The following NVL variants were observed in gnomAD, a reference collection of about 807,000 sequenced individuals.
The protein encoded by NVL is nuclear valosin-containing protein-like.
A neutral mutation model predicts 110.2 loss-of-function variants in NVL; 84 were observed. The observed-to-expected ratio is 0.76, with a 90% CI of 0.64 to 0.91. The LOEUF (loss-of-function observed/expected upper bound fraction) is 0.91, where lower values mean the gene tolerates loss of function less well. NVL is among the 40% of genes least tolerant of loss of function. NVL has a pLI of 0.00. For missense variants in NVL, 882 were observed against 1,035.9 expected (o/e 0.85, Z 2.04); for synonymous variants, 354 against 361.1 (o/e 0.98, Z 0.22).
intron 18 of NVL, among the ~76,000 whole-genome samples, chr1:224,260,855 G>C (rs1032667968): frequency 5.3e-5 from 8 of 150,602 alleles, no homozygotes; most frequent in African/African-American, 2.0e-4. Flanking sequence ...GTACACACCA[G>C]TGCATCTGGC....
chr1:224,299,399 C>T (rs769843138), intron 10 of NVL, among the ~76,000 whole-genome samples: 2 of 152,166 alleles, frequency 1.3e-5, no homozygotes, highest in African/African-American at 2.4e-5. Flanking sequence ...TTGGATTTCA[C>T]CTTTTTGTTT....
At chr1:224,271,501 G>A (rs1665097154) in intron 17 of NVL, among the ~76,000 whole-genome samples, 1 of 151,334 alleles carries the variant, frequency 6.6e-6, no homozygotes, top group East Asian at 2.0e-4. Context: ...TCAAACAACA[G>A]CAACAACAAC....
chr1:224,308,001 G>A lies in NVL; in HGVS notation c.605C>T (p.Thr202Ile). The A allele has an allele frequency of 6.5e-7, 1 of 1,527,342 alleles. No homozygotes were observed. The highest frequency in any genetic ancestry group is 8.8e-7 in the Non-Finnish European group (1 of 1,141,238). The allele number at this position is 1,527,342 out of a possible 1,614,324, so 94.6% of individuals were successfully genotyped here. A position where few individuals can be genotyped will look rare whatever the true frequency, so the allele number is the denominator to read the frequency against. Residue 202 changes from threonine (T) to isoleucine (I), a missense_variant, in exon 6 of 23, where the codon ACT (threonine) becomes ATT (isoleucine). Physicochemically the swap from Thr to Ile is moderately conservative, Grantham distance 89. This residue lies in a region of NVL where 274 missense variants were observed against 268.4 expected (regional missense o/e 1.02). Coordinates refer to ENST00000281701, the MANE Select transcript of NVL (RefSeq NM_002533.4). Reference protein sequence around the residue: ...CEKSNPKKPITEIQDSKDSSL... With the variant: ...CEKSNPKKPIIEIQDSKDSSL... Reference sequence around the variant, plus strand: ...TCATTACAAAAATACCTGTATCTCAGTTATTGGCTTCTTAGGATTACTTTT... The same window carrying A: ...TCATTACAAAAATACCTGTATCTCAATTATTGGCTTCTTAGGATTACTTTT...
intron 16 of NVL, among the ~76,000 whole-genome samples, chr1:224,279,027 T>TG (rs1177297248): frequency 6.6e-6 from 1 of 152,122 alleles, no homozygotes; most frequent in East Asian, 1.9e-4. Context: ...GCCCAGCCAA[T>TG]ACCTAATATT....
At chr1:224,286,215 G>GTTTTT in intron 14 of NVL, 85 bp from the exon 15 acceptor site, 2 of 734,478 alleles carry the variant, frequency 2.7e-6, no homozygotes, top group Non-Finnish European at 4.3e-6. Context: ...ATATTTTATG[G>GTTTTT]TTTTTTTTTT....
intron 18 of NVL, chr1:224,257,056 C>G: frequency 3.8e-6 from 2 of 532,488 alleles, no homozygotes; most frequent in Non-Finnish European, 7.7e-6. Context: ...CTTTTGCCCT[C>G]TCAACCCAGC....
intron 22 of NVL, among the ~76,000 whole-genome samples, chr1:224,230,267 A>G (rs2102687157): frequency 6.6e-6 from 1 of 152,364 alleles, no homozygotes; most frequent in Non-Finnish European, 1.5e-5. Context: ...TTTATCAAAA[A>G]GCGTAGAGTA....
Position 224,304,757 on chromosome 1 carries a change from T to C in NVL, c.804A>G (p.Gly268=), listed in dbSNP as rs142174769. ...QISNVKFEDV[G]GNDMTLKEVC... is the part of the protein sequence containing the mutation. ...TAACTTTTAATGTCATATCATTGCC[T>C]CCCACATCTTCAAACTTCACGTTGG... is the stretch of plus-strand genomic sequence containing the variant. The change falls in exon 8 of 23, where the codon GGA becomes GGG. Residue 268 remains glycine (G), a synonymous_variant. Transcript: ENST00000281701. 13 of 1,613,960 alleles carry C rather than the reference T, an allele frequency of 8.1e-6. No individual in the cohort carries two copies. The highest frequency in any genetic ancestry group is 1.1e-5 in the Non-Finnish European group (13 of 1,179,866).
chr1:224,250,258 A>T lies in NVL; in HGVS notation c.2243T>A (p.Leu748Ter). ...GGCAAGGCGATCTGCAGGGGGCGGT[A>T]AACCCACAAACAGTGTTTTGTCCAG... ...GRLDKTLFVG[L>*]PPPADRLAIL... Residue 748 changes from leucine (L) to a stop codon, truncating the protein, a stop_gained, in exon 19 of 23, where the codon TTA (leucine) becomes TAA (stop). Transcript: ENST00000281701. LOFTEE classifies it high-confidence loss of function. 1 of 1,609,116 alleles carries T rather than the reference A, an allele frequency of 6.2e-7. No individual in the cohort carries two copies. The highest frequency in any genetic ancestry group is 8.5e-7 in the Non-Finnish European group (1 of 1,178,064).
At chr1:224,300,113 G>C (rs1668257014) in intron 10 of NVL, among the ~76,000 whole-genome samples, 1 of 152,110 alleles carries the variant, frequency 6.6e-6, no homozygotes, top group African/African-American at 2.4e-5. Context: ...CGTGAGATTT[G>C]GGTATTATTA....
At chr1:224,247,086 A>G (rs904073735) in intron 19 of NVL, among the ~76,000 whole-genome samples, 2 of 151,866 alleles carry the variant, frequency 1.3e-5, no homozygotes, top group Non-Finnish European at 2.9e-5. Flanking sequence ...AGAGCCAACG[A>G]AAGGGAGAGA....
chr1:224,253,639 A>T (rs958214628), intron 18 of NVL, among the ~76,000 whole-genome samples: 1 of 149,964 alleles, frequency 6.7e-6, no homozygotes, highest in Admixed American at 6.7e-5. Flanking sequence ...AGGCTGAGGC[A>T]GGAGAATCAC....
intron 17 of NVL, among the ~76,000 whole-genome samples, chr1:224,270,402 C>CA (rs1289909343): frequency 1.3e-5 from 2 of 151,830 alleles, no homozygotes; most frequent in African/African-American, 4.8e-5. Flanking sequence ...ACTAAAAATA[C>CA]AAAAAATTAG....
intron 15 of NVL, 109 bp downstream of exon 15, chr1:224,285,917 G>A (rs1666811809): frequency 2.7e-6 from 2 of 734,202 alleles, no homozygotes; most frequent in East Asian, 2.8e-5. Flanking sequence ...ATAAACTTCT[G>A]ATAAAAATTA....
At chr1:224,319,153 CAA>C (rs770885193) in intron 2 of NVL, among the ~76,000 whole-genome samples, 649 of 47,034 alleles carry the variant, frequency 0.014, 2 homozygotes, top group South Asian at 0.049. Context: ...GACTCCGTCT[CAA>C]AAAAAAAAAA....
Position 224,296,512 on chromosome 1 carries a change from G to C in NVL, c.1169C>G (p.Thr390Ser). The C allele has an allele frequency of 6.3e-7, 1 of 1,580,824 alleles. No individual in the cohort carries two copies. Among genetic ancestry groups the C allele is most frequent in the East Asian group, 2.3e-5 (1 of 44,224 alleles). ...MERRIVAQLL[T>S]CMDDLNNVAA... is the part of the protein sequence containing the mutation. ...TATTTTAAACTAACCATCCATGCAGGTTAGGAGTTGGGCTACAATTCTTCG... is the reference window on the plus strand; with the variant it reads ...TATTTTAAACTAACCATCCATGCAGCTTAGGAGTTGGGCTACAATTCTTCG... Residue 390 changes from threonine (T) to serine (S), a missense_variant, in exon 11 of 23, where the codon ACC (threonine) becomes AGC (serine). This residue lies in a region of NVL where 416 missense variants were observed against 499.3 expected (regional missense o/e 0.83). Transcript: ENST00000281701.
intron 19 of NVL, among the ~76,000 whole-genome samples, chr1:224,246,882 A>G (rs1661884974): frequency 6.7e-6 from 1 of 149,050 alleles, no homozygotes; most frequent in Admixed American, 6.7e-5. Flanking sequence ...CTAAAAATAC[A>G]AAAAAAAAAT....
At chr1:224,272,285 C>T (rs879741128) in intron 17 of NVL, among the ~76,000 whole-genome samples, 7 of 150,208 alleles carry the variant, frequency 4.7e-5, no homozygotes, top group African/African-American at 1.5e-4. Context: ...GCAGAAGTTG[C>T]GAAGAGCTGA....
chr1:224,240,861 G>C (rs988993988), intron 19 of NVL, among the ~76,000 whole-genome samples: 1 of 146,872 alleles, frequency 6.8e-6, no homozygotes. Context: ...CATGATCTCG[G>C]CTCACTGCAA....
Sources: allele counts gnomAD v4.1 joint callset (sites outside exome capture counted in the v4.1 genomes callset), GRCh38; gene constraint gnomAD v4.1.1; regional missense constraint gnomAD v4.1.1; transcripts MANE v1.5; gene names NCBI Gene and HGNC (gene_info 2026-07-23, HGNC 2026-07-21).